Variants in PRPF6 observed in about 807,000 individuals in gnomAD.
The protein encoded by PRPF6 is pre-mRNA-processing factor 6.
A neutral mutation model predicts 118.3 loss-of-function variants in PRPF6; 42 were observed. That is an observed-to-expected ratio of 0.35 (90% CI 0.28 to 0.46). The LOEUF is 0.46. Among genes scored for constraint, PRPF6 ranks in the 20% least tolerant of loss-of-function variants. PRPF6 has a pLI of 1.00. For missense variants in PRPF6, 662 were observed against 1,255.7 expected (o/e 0.53, Z 7.15); for synonymous variants, 481 against 485.1 (o/e 0.99, Z 0.11).
intron 1 of PRPF6, among the ~76,000 whole-genome samples, chr20:63,982,100 G>A (rs931921018): frequency 1.3e-5 from 2 of 152,144 alleles, no homozygotes; most frequent in African/African-American, 4.8e-5. Context: ...AGCTCAGGAG[G>A]TTGGAGGGGC....
At chr20:63,998,014 T>G (rs1168802472) in intron 6 of PRPF6, among the ~76,000 whole-genome samples, 1 of 152,238 alleles carries the variant, frequency 6.6e-6, no homozygotes, top group Non-Finnish European at 1.5e-5. Flanking sequence ...TTTTGACTAT[T>G]GTGAATAATG....
In PRPF6 at chr20:64,027,739, G is replaced by A; in HGVS notation, c.2339+3G>A. On this transcript the variant is annotated splice_donor_region_variant and intron_variant, in intron 17 of 20. Coordinates refer to ENST00000266079, the MANE Select transcript of PRPF6 (RefSeq NM_012469.4). The surrounding 1 kb of genome is among the most constrained non-coding windows in gnomAD (Gnocchi z 6.5). ...AACCCAAAGAACCCTGGGCTGTGGTGAGTCCTGGAGGGGGCAGCCTGGCCT... is the reference window on the plus strand; with the variant it reads ...AACCCAAAGAACCCTGGGCTGTGGTAAGTCCTGGAGGGGGCAGCCTGGCCT... 1 of 1,613,826 alleles carries A rather than the reference G, an allele frequency of 6.2e-7. No homozygotes were observed. Among genetic ancestry groups the A allele is most frequent in the Middle Eastern group, 1.7e-4 (1 of 6,032 alleles).
chr20:64,008,658 TAAGAG>T (rs961200661), intron 9 of PRPF6, among the ~76,000 whole-genome samples: 73 of 152,314 alleles, frequency 4.8e-4, no homozygotes, highest in Admixed American at 3.3e-3. Context: ...GAATTATTCT[TAAGAG>T]AAGAATTTTC....
chr20:64,030,105 G>A (rs191322895), intron 19 of PRPF6, among the ~76,000 whole-genome samples: 11 of 152,354 alleles, frequency 7.2e-5, no homozygotes, highest in African/African-American at 1.2e-4. Flanking sequence ...GCAAAGACCC[G>A]CCAGGTGTGG....
intron 12 of PRPF6, among the ~76,000 whole-genome samples, chr20:64,017,618 C>T (rs1395215361): frequency 6.6e-6 from 1 of 151,528 alleles, no homozygotes; most frequent in Non-Finnish European, 1.5e-5. Flanking sequence ...GGATCACAGG[C>T]ATGAGCCGCC....
chr20:64,018,176 A>G (rs923002638), intron 12 of PRPF6, among the ~76,000 whole-genome samples: 1 of 152,188 alleles, frequency 6.6e-6, no homozygotes, highest in African/African-American at 2.4e-5. Flanking sequence ...AGCCTGAGTG[A>G]CAGCAAGACC....
intron 12 of PRPF6, among the ~76,000 whole-genome samples, chr20:64,021,544 G>A (rs1199599875): frequency 1.7e-4 from 24 of 144,000 alleles, no homozygotes; most frequent in Non-Finnish European, 3.5e-4. Flanking sequence ...CCACAGCCCC[G>A]TGTCTGTGTG....
At chr20:64,021,668 C>T (rs1257187261) in intron 12 of PRPF6, among the ~76,000 whole-genome samples, 5 of 145,528 alleles carry the variant, frequency 3.4e-5, no homozygotes, top group African/African-American at 7.8e-5. Context: ...TCAGCCACAG[C>T]CCCGTGTCTG....
chr20:64,008,217 T>G lies in PRPF6; in HGVS notation c.1187-1983T>G, dbSNP rs939954387. On this transcript the variant is annotated intron_variant, in intron 9 of 20. Transcript: ENST00000266079. ...TTTGAATCAGGATCTAAGCAAAGTC[T>G]GAACATTGCCGTTTGGTTGATGTCT... Among the ~76,000 whole-genome samples, 6 of 152,240 alleles carry G rather than the reference T, an allele frequency of 3.9e-5. No homozygotes were observed. In the East Asian group the frequency reaches 1.2e-3, roughly 29 times the overall value.
At chr20:64,014,460 GCCTGGCCAACATGGTAAAAC>G (rs138810793) in intron 11 of PRPF6, among the ~76,000 whole-genome samples, 32,096 of 151,536 alleles carry the variant, frequency 0.21, 3,794 homozygotes, top group African/African-American at 0.3. Flanking sequence ...TTTGAGACCA[GCCTGGCCAACATGGTAAAAC>G]CCTGTCTCTA....
intron 9 of PRPF6, among the ~76,000 whole-genome samples, chr20:64,006,339 CTG>C (rs2059189717): frequency 7.7e-6 from 1 of 130,168 alleles, no homozygotes; most frequent in Non-Finnish European, 1.6e-5. Flanking sequence ...TTTTTTGAGA[CTG>C]AGTCTTGCTC....
intron 3 of PRPF6, among the ~76,000 whole-genome samples, chr20:63,992,951 C>T (rs1220158227): frequency 6.6e-6 from 1 of 151,996 alleles, no homozygotes; most frequent in East Asian, 1.9e-4. Flanking sequence ...GGTGCGGTGG[C>T]TCACACCTGT....
At chr20:63,996,989 A>G (rs1324212779) in intron 6 of PRPF6, among the ~76,000 whole-genome samples, 1 of 152,180 alleles carries the variant, frequency 6.6e-6, no homozygotes, top group Non-Finnish European at 1.5e-5. Flanking sequence ...CACAGAATTT[A>G]CCATTTTAAT....
chr20:64,003,967 G>A (rs932391854), intron 9 of PRPF6, among the ~76,000 whole-genome samples: 11 of 152,206 alleles, frequency 7.2e-5, no homozygotes, highest in Admixed American at 2.0e-4. Context: ...GTAGAAATCA[G>A]TTTATCTTTT....
chr20:64,022,675 G>A (rs573642253), intron 12 of PRPF6, 82 bp from the exon 13 acceptor site: 23 of 1,579,838 alleles, frequency 1.5e-5, no homozygotes, highest in Middle Eastern at 1.7e-4. Flanking sequence ...TTTCAGAATC[G>A]TATGAGCCTG....
intron 2 of PRPF6, among the ~76,000 whole-genome samples, chr20:63,983,424 T>C (rs1292479307): frequency 1.3e-5 from 2 of 151,868 alleles, no homozygotes; most frequent in Non-Finnish European, 2.9e-5. Context: ...GAGATGTTCT[T>C]GCAGGTGTTA....
At chr20:64,031,692 C>A (rs889506256) in intron 19 of PRPF6, among the ~76,000 whole-genome samples, 267 of 118,888 alleles carry the variant, frequency 2.2e-3, no homozygotes, top group East Asian at 5.0e-3. Context: ...AAAAAAAAAA[C>A]AACAAAAAAA....
Position 64,022,744 on chromosome 20 carries a change from C to CT in PRPF6, c.1648-12dup, listed in dbSNP as rs1411325692. 2.5e-6 allele frequency: 4 copies of CT among 1,613,908 alleles called. No homozygotes were observed. The highest frequency in any genetic ancestry group is 1.6e-4 in the Middle Eastern group (1 of 6,084). On this transcript the variant is annotated splice_polypyrimidine_tract_variant and intron_variant, in intron 12 of 20. Coordinates refer to ENST00000266079, the MANE Select transcript of PRPF6 (RefSeq NM_012469.4). ...TGCTGGGCTGCCCATTCTCATGTCT[C>CT]TCTCTGCTCTAGTGTGTAGCCCACA... is the stretch of plus-strand genomic sequence containing the variant.
At chr20:64,032,708 C>A in intron 20 of PRPF6, 133 bp from the exon 21 acceptor site, 1 of 1,158,650 alleles carries the variant, frequency 8.6e-7, no homozygotes, top group Non-Finnish European at 1.2e-6. Flanking sequence ...CGGTGCAGGG[C>A]CTGTGCCCTC....
Sources: allele counts gnomAD v4.1 joint callset (sites outside exome capture counted in the v4.1 genomes callset), GRCh38; gene constraint gnomAD v4.1.1; non-coding constraint Gnocchi (gnomAD v3.1); transcripts MANE v1.5; gene names NCBI Gene and HGNC (gene_info 2026-07-23, HGNC 2026-07-21).